LIMS1: variants seen among roughly 807,000 people sequenced by gnomAD.
The protein encoded by LIMS1 is LIM and senescent cell antigen-like-containing domain protein 1.
LIMS1 carries 18 observed loss-of-function variants against 44.1 expected under a neutral mutation model. The ratio of observed to expected loss-of-function variants is 0.41; its 90% confidence interval spans 0.28 to 0.61. LIMS1 has a LOEUF of 0.61. LIMS1 is among the 20% of genes least tolerant of loss of function. The pLI is 0.32. For missense variants in LIMS1, 201 were observed against 422.0 expected (o/e 0.48, Z 4.59); for synonymous variants, 93 against 149.1 (o/e 0.62, Z 2.74).
intron 1 of LIMS1, among the ~76,000 whole-genome samples, chr2:108,609,010 G>T (rs1366569445): frequency 2.6e-5 from 4 of 152,222 alleles, no homozygotes; most frequent in Non-Finnish European, 5.9e-5. Context: ...CACTCTGAAA[G>T]AAGTAGGGAC....
At chr2:108,554,979 AAC>A (rs1364760867) in intron 1 of LIMS1, among the ~76,000 whole-genome samples, 1 of 152,168 alleles carries the variant, frequency 6.6e-6, no homozygotes, top group African/African-American at 2.4e-5. Context: ...AAGTTTGAGA[AAC>A]ACAGGAATAG....
intron 1 of LIMS1, among the ~76,000 whole-genome samples, chr2:108,539,769 T>C (rs891787547): frequency 1.3e-5 from 2 of 152,210 alleles, no homozygotes; most frequent in African/African-American, 2.4e-5. Context: ...AGGAACATAG[T>C]AGATGCTCAA....
intron 1 of LIMS1, among the ~76,000 whole-genome samples, chr2:108,579,174 T>G (rs1461519423): frequency 6.6e-6 from 1 of 152,190 alleles, no homozygotes; most frequent in Non-Finnish European, 1.5e-5. Context: ...ATATTTGAAT[T>G]TTCACCTTTA....
intron 1 of LIMS1, among the ~76,000 whole-genome samples, chr2:108,649,144 AC>A (rs1210990779): frequency 1.3e-5 from 2 of 152,194 alleles, no homozygotes; most frequent in African/African-American, 2.4e-5. Context: ...CAAGAAAAAA[AC>A]CCCATCAAAA....
At chr2:108,570,870 T>C (rs1225201166) in intron 1 of LIMS1, among the ~76,000 whole-genome samples, 1 of 152,208 alleles carries the variant, frequency 6.6e-6, no homozygotes, top group East Asian at 1.9e-4. Context: ...CCCTAAGTGT[T>C]AGCCGTCAGC....
At chr2:108,681,265 G>A in intron 9 of LIMS1, 1 of 985,406 alleles carries the variant, frequency 1.0e-6, no homozygotes, top group Non-Finnish European at 1.2e-6. Context: ...TGAAATACAA[G>A]TATTTGTCCT....
chr2:108,651,976 C>T (rs1690522466), intron 1 of LIMS1, among the ~76,000 whole-genome samples: 1 of 136,922 alleles, frequency 7.3e-6, no homozygotes, highest in Non-Finnish European at 1.6e-5. Context: ...CTGAAAGTTG[C>T]AGCCTTCTTA....
intron 1 of LIMS1, among the ~76,000 whole-genome samples, chr2:108,581,910 C>T (rs1328570509): frequency 6.6e-6 from 1 of 150,478 alleles, no homozygotes; most frequent in African/African-American, 2.5e-5. Flanking sequence ...GGACTCCAGC[C>T]TGGGCAACAA....
chr2:108,636,008 T>C lies in LIMS1; in HGVS notation c.33-23597T>C, dbSNP rs114528879. ...CACACGCTAATTTGAACAGGAAAGGTTTAATATAAAGATAGAATTACTAAC... is the reference window on the plus strand; with the variant it reads ...CACACGCTAATTTGAACAGGAAAGGCTTAATATAAAGATAGAATTACTAAC... On this transcript the variant is annotated intron_variant, in intron 1 of 9. Transcript: ENST00000544547. Among the ~76,000 whole-genome samples, 505 of 151,978 alleles carry C rather than the reference T, an allele frequency of 3.3e-3. 3 individuals are homozygous for C. The highest frequency in any genetic ancestry group is 0.012 in the African/African-American group (485 of 41,418).
intron 1 of LIMS1, among the ~76,000 whole-genome samples, chr2:108,626,777 C>T (rs1225037578): frequency 3.3e-5 from 5 of 152,124 alleles, no homozygotes; most frequent in African/African-American, 1.2e-4. Context: ...GCCTAAGAGA[C>T]GGATGTATCT....
At chr2:108,626,774 A>G (rs1688598589) in intron 1 of LIMS1, among the ~76,000 whole-genome samples, 1 of 152,218 alleles carries the variant, frequency 6.6e-6, no homozygotes. Context: ...GAAGCCTAAG[A>G]GACGGATGTA....
chr2:108,674,575 G>A, intron 5 of LIMS1, among the ~76,000 whole-genome samples: 1 of 150,866 alleles, frequency 6.6e-6, no homozygotes, highest in Non-Finnish European at 1.5e-5. Context: ...AAAAAAATTA[G>A]CCAGGCGTGG....
At chr2:108,638,116 G>T (rs1689404142) in intron 1 of LIMS1, among the ~76,000 whole-genome samples, 2 of 152,078 alleles carry the variant, frequency 1.3e-5, no homozygotes. Flanking sequence ...AAAGTGCTGG[G>T]ATTACAGGCA....
At chr2:108,560,595 C>T (rs1488513134) in intron 1 of LIMS1, among the ~76,000 whole-genome samples, 1 of 152,008 alleles carries the variant, frequency 6.6e-6, no homozygotes, top group Non-Finnish European at 1.5e-5. Flanking sequence ...ATTGCCCTGA[C>T]ACTCCTGATT....
At chr2:108,606,709 C>G (rs1043624631) in intron 1 of LIMS1, among the ~76,000 whole-genome samples, 7 of 152,172 alleles carry the variant, frequency 4.6e-5, no homozygotes, top group African/African-American at 1.4e-4. Context: ...AGTAGGATCC[C>G]AGAGGAGAAA....
intron 1 of LIMS1, among the ~76,000 whole-genome samples, chr2:108,558,526 A>G (rs1330287132): frequency 6.6e-6 from 1 of 151,812 alleles, no homozygotes; most frequent in Non-Finnish European, 1.5e-5. Context: ...GCGTTTTTAT[A>G]GTACTCTAAA....
At chr2:108,650,438 A>G (rs1272629269) in intron 1 of LIMS1, among the ~76,000 whole-genome samples, 8 of 144,076 alleles carry the variant, frequency 5.6e-5, no homozygotes, top group African/African-American at 1.8e-4. Flanking sequence ...TTCTTTCGAG[A>G]CGGAGTTTTG....
chr2:108,661,500 G>A (rs1364286080), intron 2 of LIMS1, among the ~76,000 whole-genome samples: 2 of 152,204 alleles, frequency 1.3e-5, no homozygotes, highest in East Asian at 1.9e-4. Flanking sequence ...AGATGGACAG[G>A]AGCAGGAGAG....
chr2:108,588,508 G>C (rs550189065), intron 1 of LIMS1: 2 of 985,544 alleles, frequency 2.0e-6, no homozygotes, highest in Non-Finnish European at 2.4e-6. Flanking sequence ...GGCTCAGGTA[G>C]AGTGCGTAGG....
Sources: gnomAD v4.1 joint callset for allele counts (sites outside exome capture counted in the v4.1 genomes callset) on GRCh38, gnomAD v4.1.1 for gene constraint, MANE v1.5 for transcripts, NCBI Gene and HGNC (gene_info 2026-07-23, HGNC 2026-07-21) for gene names.